PRKG1: variants seen among roughly 807,000 people sequenced by gnomAD.
PRKG1 encodes the protein protein kinase cGMP-dependent 1.
In PRKG1, 35 loss-of-function variants were observed where a neutral mutation model predicts 88.1. That is an observed-to-expected ratio of 0.40 (90% confidence interval 0.30 to 0.53). The LOEUF (loss-of-function observed/expected upper bound fraction) is 0.53. PRKG1 is among the 20% of genes least tolerant of loss of function. The probability of loss-of-function intolerance (pLI) is 0.59; values close to 1 mark genes in which losing one functional copy is unlikely to be tolerated. For missense variants in PRKG1, 540 were observed against 839.8 expected (o/e 0.64, Z 4.41); for synonymous variants, 303 against 292.5 (o/e 1.04, Z -0.37).
At chr10:52,258,675 T>C (rs570738852) in intron 10 of PRKG1, among the ~76,000 whole-genome samples, 79 of 152,238 alleles carry the variant, frequency 5.2e-4, no homozygotes, top group Non-Finnish European at 9.3e-4. Flanking sequence ...ATTTGTGGGA[T>C]ATAAAAATAT....
At chr10:51,465,778 T>G (rs1355358924) in intron 2 of PRKG1, among the ~76,000 whole-genome samples, 1 of 152,166 alleles carries the variant, frequency 6.6e-6, no homozygotes, top group Non-Finnish European at 1.5e-5. Flanking sequence ...CTTGGTTAGT[T>G]TCTGTAGTAG....
intron 2 of PRKG1, among the ~76,000 whole-genome samples, chr10:51,255,290 C>T (rs1839527967): frequency 6.6e-6 from 1 of 152,088 alleles, no homozygotes; most frequent in South Asian, 2.1e-4. Context: ...CAATTGATTT[C>T]ATGGCTCATA....
In PRKG1 at chr10:51,257,028, C is replaced by T. The variant is rs529053680; in HGVS notation, c.478+103698C>T. Among the ~76,000 whole-genome samples the T allele has an allele frequency of 1.2e-4, 18 of 151,830 alleles. No homozygotes were observed. In the South Asian group the frequency reaches 2.7e-3, roughly 23 times the overall value. ...AAAAATTCACATGAAGAGAAGAAAG[C>T]GATAAATTTTGAAGAATTGACAGGA... On this transcript the variant is annotated intron_variant, in intron 2 of 17. Transcript: ENST00000373980.
intron 2 of PRKG1, among the ~76,000 whole-genome samples, chr10:51,229,457 T>C (rs1838777703): frequency 6.6e-6 from 1 of 152,128 alleles, no homozygotes; most frequent in Admixed American, 6.5e-5. Flanking sequence ...CTTTAAGGTT[T>C]TAAGAAGTCA....
At chr10:51,370,495 A>T (rs10997200) in intron 2 of PRKG1, among the ~76,000 whole-genome samples, 36 of 128,684 alleles carry the variant, frequency 2.8e-4, no homozygotes, top group East Asian at 1.5e-3. Context: ...AGAGAGAGAG[A>T]GTGTGTGTGT....
At chr10:51,418,900 G>A (rs1433810811) in intron 2 of PRKG1, among the ~76,000 whole-genome samples, 1 of 152,162 alleles carries the variant, frequency 6.6e-6, no homozygotes, top group Non-Finnish European at 1.5e-5. Flanking sequence ...TACATTATGG[G>A]AAAGACTATT....
At chr10:51,063,926 A>T (rs1472668145) in intron 1 of PRKG1, among the ~76,000 whole-genome samples, 2 of 152,136 alleles carry the variant, frequency 1.3e-5, no homozygotes, top group African/African-American at 4.8e-5. Flanking sequence ...GATAAATTTG[A>T]AGAATGTACT....
intron 3 of PRKG1, among the ~76,000 whole-genome samples, chr10:51,622,539 AT>A (rs1316666112): frequency 6.6e-6 from 1 of 152,206 alleles, no homozygotes. Context: ...CTATACTGGA[AT>A]TACTTGCCTG....
At position 52,124,079 on chromosome 10, in the gene PRKG1, G is replaced by T. The variant is rs144000904; in HGVS notation, c.936-9761G>T. Among the ~76,000 whole-genome samples, 18 of 152,292 alleles carry T rather than the reference G, an allele frequency of 1.2e-4. No homozygotes were observed. The East Asian group carries it at 3.5e-3, about 29-fold the overall frequency. On this transcript the variant is annotated intron_variant, in intron 7 of 17. Transcript: ENST00000373980. ...GGCTAATGGGTGAGGAGCATCTACA[G>T]CATGGACACACTGGACAAAGGGAGG...
At chr10:51,663,148 G>C (rs1840340210) in intron 3 of PRKG1, among the ~76,000 whole-genome samples, 1 of 152,020 alleles carries the variant, frequency 6.6e-6, no homozygotes, top group Non-Finnish European at 1.5e-5. Context: ...GAAAGGGAAA[G>C]AGAAGATAAA....
intron 5 of PRKG1, among the ~76,000 whole-genome samples, chr10:52,002,078 T>C (rs1278103088): frequency 6.6e-6 from 1 of 152,112 alleles, no homozygotes; most frequent in Non-Finnish European, 1.5e-5. Context: ...TCACAAGTAT[T>C]CCCAAGAAAT....
intron 5 of PRKG1, among the ~76,000 whole-genome samples, chr10:52,039,941 C>G (rs1845714413): frequency 6.6e-6 from 1 of 152,164 alleles, no homozygotes; most frequent in South Asian, 2.1e-4. Flanking sequence ...CTACCTTCAG[C>G]TCTGAACAAG....
At chr10:51,053,295 G>C (rs1843588449) in intron 1 of PRKG1, among the ~76,000 whole-genome samples, 2 of 151,220 alleles carry the variant, frequency 1.3e-5, no homozygotes, top group Admixed American at 1.3e-4. Context: ...ATAATTCTAA[G>C]CACTAATTAC....
chr10:51,985,667 T>C lies in PRKG1; in HGVS notation c.763-68817T>C, dbSNP rs564248201. On this transcript the variant is annotated intron_variant, in intron 5 of 17. Coordinates refer to ENST00000373980, the MANE Select transcript of PRKG1 (RefSeq NM_006258.4). ...TTTTTTATAGCCACTTGTTTTCTAT[T>C]TGTAGTCTGCTGCCATTTAAAAAAT... Among the ~76,000 whole-genome samples the C allele has an allele frequency of 1.5e-4, 23 of 152,310 alleles. No individual in the cohort carries two copies. The South Asian group carries it at 4.8e-3, about 32-fold the overall frequency.
At chr10:51,943,935 C>T (rs1191919594) in intron 5 of PRKG1, among the ~76,000 whole-genome samples, 3 of 152,090 alleles carry the variant, frequency 2.0e-5, no homozygotes, top group Admixed American at 6.5e-5. Flanking sequence ...TGTGTCTCTG[C>T]CCGGCTTTGG....
intron 7 of PRKG1, among the ~76,000 whole-genome samples, chr10:52,132,265 G>A (rs1048995956): frequency 2.0e-5 from 3 of 152,030 alleles, no homozygotes; most frequent in Non-Finnish European, 2.9e-5. Flanking sequence ...GAATCCCAAG[G>A]TGGGTGTTTC....
chr10:52,218,484 A>G (rs1840168016), intron 9 of PRKG1, among the ~76,000 whole-genome samples: 1 of 152,174 alleles, frequency 6.6e-6, no homozygotes. Context: ...AAACCTTATC[A>G]AGTATGACCC....
intron 7 of PRKG1, among the ~76,000 whole-genome samples, chr10:52,097,584 T>C (rs1427218895): frequency 6.6e-6 from 1 of 152,094 alleles, no homozygotes; most frequent in Admixed American, 6.5e-5. Flanking sequence ...TACTTTGATA[T>C]TATACTTTAC....
chr10:52,245,399 A>G (rs965005978), intron 9 of PRKG1, among the ~76,000 whole-genome samples: 20 of 152,218 alleles, frequency 1.3e-4, no homozygotes, highest in Non-Finnish European at 2.6e-4. Context: ...CAGAAAGGCT[A>G]AGACATTGAA....
Sources: allele counts gnomAD v4.1 joint callset (sites outside exome capture counted in the v4.1 genomes callset), GRCh38; gene constraint gnomAD v4.1.1; transcripts MANE v1.5; gene names NCBI Gene and HGNC (gene_info 2026-07-23, HGNC 2026-07-21).